PIGL: variants seen among roughly 807,000 people sequenced by gnomAD.
PIGL encodes N-acetylglucosaminyl-phosphatidylinositol de-N-acetylase.
A neutral mutation model predicts 31.1 loss-of-function variants in PIGL; 22 were observed. That is an observed-to-expected ratio of 0.71 (90% CI 0.51 to 1.01). PIGL has a LOEUF of 1.01. Among genes scored for constraint, PIGL ranks in the 50% least tolerant of loss-of-function variants. The pLI is 0.00. For missense variants in PIGL, 302 were observed against 315.9 expected, an observed-to-expected ratio of 0.96 and a Z score of 0.33; for synonymous variants, 131 against 117.4, an observed-to-expected ratio of 1.12 and a Z score of -0.75.
rs772760703 is a variant in PIGL at position 16,325,822 on chromosome 17, G to C, written c.683G>C (p.Ser228Thr). The C allele has an allele frequency of 1.2e-6, 2 of 1,613,824 alleles. No individual in the cohort carries two copies. The highest frequency in any genetic ancestry group is 1.7e-6 in the Non-Finnish European group (2 of 1,179,768). Residue 228 changes from serine to threonine, a missense_variant, in exon 7 of 7, where the codon AGC (serine) becomes ACC (threonine). By Grantham distance (58) the Ser-to-Thr change is moderately conservative. Coordinates refer to ENST00000225609, the MANE Select transcript of PIGL (RefSeq NM_004278.4). The part of the protein sequence containing the change: ...QAKKAMSCHR[S>T]QLLWFRRLYI... ...TAGAAAGCCATGTCCTGCCACCGCA[G>C]CCAGCTCCTCTGGTTCCGCCGCCTC... is the stretch of plus-strand genomic sequence containing the variant.
intron 3 of PIGL, among the ~76,000 whole-genome samples, chr17:16,310,732 G>A (rs1183983063): frequency 6.6e-6 from 1 of 152,046 alleles, no homozygotes; most frequent in East Asian, 1.9e-4. Context: ...AGAGGGTTTC[G>A]CCATGTTGGC....
At chr17:16,251,069 A>T (rs1323358415) in intron 2 of PIGL, among the ~76,000 whole-genome samples, 1 of 152,216 alleles carries the variant, frequency 6.6e-6, no homozygotes, top group Non-Finnish European at 1.5e-5. Flanking sequence ...ATTCAAAAAC[A>T]GAAAGGGAGA....
At chr17:16,241,630 G>A (rs1600764553) in intron 2 of PIGL, among the ~76,000 whole-genome samples, 1 of 151,854 alleles carries the variant, frequency 6.6e-6, no homozygotes, top group East Asian at 1.9e-4. Context: ...GGAGTGATAA[G>A]AACTGGGGAT....
chr17:16,291,387 G>A (rs1208771508), intron 2 of PIGL, among the ~76,000 whole-genome samples: 3 of 150,560 alleles, frequency 2.0e-5, no homozygotes, highest in Non-Finnish European at 4.4e-5. Context: ...GGCACCTGTA[G>A]TCCCAGCTAC....
intron 3 of PIGL, among the ~76,000 whole-genome samples, chr17:16,300,957 G>A (rs1171761545): frequency 6.6e-6 from 1 of 152,140 alleles, no homozygotes; most frequent in Non-Finnish European, 1.5e-5. Flanking sequence ...GGACTGCTTA[G>A]CCCATAGTCA....
chr17:16,301,227 G>A (rs1336231867), intron 3 of PIGL, among the ~76,000 whole-genome samples: 1 of 151,324 alleles, frequency 6.6e-6, no homozygotes, highest in African/African-American at 2.4e-5. Flanking sequence ...CAAGTAGCTA[G>A]AACTATAGGC....
intron 2 of PIGL, among the ~76,000 whole-genome samples, chr17:16,261,706 C>A (rs2092820000): frequency 6.6e-6 from 1 of 151,454 alleles, no homozygotes; most frequent in South Asian, 2.1e-4. Context: ...CAGGGATGAT[C>A]CCTCCACCTC....
intron 2 of PIGL, among the ~76,000 whole-genome samples, chr17:16,246,703 G>A (rs2092749728): frequency 6.5e-5 from 3 of 46,118 alleles, no homozygotes; most frequent in South Asian, 1.0e-3. Context: ...TTTTGAGACG[G>A]AGTCTCGCTC....
At chr17:16,219,855 A>C (rs1408352306) in intron 1 of PIGL, among the ~76,000 whole-genome samples, 1 of 151,694 alleles carries the variant, frequency 6.6e-6, no homozygotes, top group Admixed American at 6.6e-5. Context: ...GAGCCACCAC[A>C]CCCGGCTGGC....
intron 2 of PIGL, among the ~76,000 whole-genome samples, chr17:16,276,332 A>G (rs2092895276): frequency 6.6e-6 from 1 of 152,226 alleles, no homozygotes; most frequent in Admixed American, 6.5e-5. Context: ...TTTTTACATT[A>G]TCTATCCCTC....
In PIGL at chr17:16,325,936, A is replaced by T; in HGVS notation, c.*38A>T. 2 of 1,435,994 alleles carry T rather than the reference A, an allele frequency of 1.4e-6. No homozygotes were observed. The highest frequency in any genetic ancestry group is 2.0e-6 in the Non-Finnish European group (2 of 1,018,060). 89.0% of individuals were successfully genotyped at this position (1,435,994 alleles called of 1,614,324 possible). On this transcript the variant is annotated 3_prime_UTR_variant, in exon 7 of 7. Transcript: ENST00000225609. ...TTTTCAGATCCAAGGAACAAAGGGG[A>T]AAATAGACAAAGGAGTGCAGAGGAC...
rs2093127041 is a variant in PIGL, at chr17:16,326,320, AAC to A, written c.*424_*425del. On this transcript the variant is annotated 3_prime_UTR_variant, in exon 7 of 7. Coordinates refer to ENST00000225609, the MANE Select transcript of PIGL (RefSeq NM_004278.4). ...CACCAAAAACACATACACAAAATGCAACAGTGTGTGTTGAATTGGTTCAATCA... is the reference window on the plus strand; with the variant it reads ...CACCAAAAACACATACACAAAATGCAAGTGTGTGTTGAATTGGTTCAATCA... 5.9e-6 allele frequency: 1 copy of A among 170,342 alleles called. No homozygotes were observed. Among genetic ancestry groups the A allele is most frequent in the Admixed American group, 5.8e-5 (1 of 17,320 alleles). 10.6% of individuals were successfully genotyped at this position (170,342 alleles called of 1,614,324 possible).
At chr17:16,313,640 G>C (rs2093064361) in intron 4 of PIGL, 26 bp downstream of exon 4, 1 of 1,568,936 alleles carries the variant, frequency 6.4e-7, no homozygotes, top group Non-Finnish European at 8.8e-7. Context: ...TGATGGATGT[G>C]GGGGAGGGTT....
At chr17:16,258,666 G>T (rs1268217394) in intron 2 of PIGL, among the ~76,000 whole-genome samples, 4 of 151,746 alleles carry the variant, frequency 2.6e-5, no homozygotes, top group Non-Finnish European at 4.4e-5. Context: ...ACCATGCCCA[G>T]CTAATTTTAT....
At chr17:16,224,324 T>G (rs1259097171) in intron 1 of PIGL, among the ~76,000 whole-genome samples, 2 of 151,994 alleles carry the variant, frequency 1.3e-5, no homozygotes, top group African/African-American at 2.4e-5. Context: ...TGACCCTTTT[T>G]CCAAATACCT....
At chr17:16,279,088 T>C (rs1755083763) in intron 2 of PIGL, among the ~76,000 whole-genome samples, 1 of 152,192 alleles carries the variant, frequency 6.6e-6, no homozygotes, top group Non-Finnish European at 1.5e-5. Context: ...GTTGGCCAAT[T>C]GGTGCTGCAG....
At chr17:16,244,507 C>T (rs7210224) in intron 2 of PIGL, among the ~76,000 whole-genome samples, 42,318 of 152,064 alleles carry the variant, frequency 0.28, 7,512 homozygotes, top group East Asian at 0.68. Context: ...CTGCTTTGGC[C>T]CAGTAATGCA....
intron 2 of PIGL, among the ~76,000 whole-genome samples, chr17:16,263,567 C>T (rs977886381): frequency 6.6e-6 from 1 of 151,894 alleles, no homozygotes; most frequent in Non-Finnish European, 1.5e-5. Context: ...CTCTGTTGCC[C>T]AGGCTGGAGT....
At chr17:16,235,883 T>C (rs2092697932) in intron 2 of PIGL, among the ~76,000 whole-genome samples, 2 of 151,998 alleles carry the variant, frequency 1.3e-5, no homozygotes, top group African/African-American at 2.4e-5. Flanking sequence ...GTTAGACCTA[T>C]AGTGAATCTA....
Sources: gnomAD v4.1 joint callset for allele counts (sites outside exome capture counted in the v4.1 genomes callset) on GRCh38, gnomAD v4.1.1 for gene constraint, MANE v1.5 for transcripts, NCBI Gene and HGNC (gene_info 2026-07-23, HGNC 2026-07-21) for gene names.